PLCXD3: variants seen among roughly 807,000 people sequenced by gnomAD.
The protein encoded by PLCXD3 is phosphatidylinositol specific phospholipase C X domain containing 3.
A neutral mutation model predicts 25.5 loss-of-function variants in PLCXD3; 19 were observed. The ratio of observed to expected loss-of-function variants is 0.75; its 90% CI spans 0.52 to 1.09. The LOEUF is 1.09. PLCXD3 is among the 50% of genes least tolerant of loss of function. The pLI is 0.00. For missense variants in PLCXD3, 411 were observed against 388.1 expected, an observed-to-expected ratio of 1.06 and a Z score of -0.50; for synonymous variants, 174 against 137.6, an observed-to-expected ratio of 1.26 and a Z score of -1.85.
At chr5:41,477,171 G>A (rs914160944) in intron 1 of PLCXD3, among the ~76,000 whole-genome samples, 1 of 152,028 alleles carries the variant, frequency 6.6e-6, no homozygotes, top group African/African-American at 2.4e-5. Flanking sequence ...TTTTCTCTGG[G>A]CCTCAGTTCT....
intron 2 of PLCXD3, among the ~76,000 whole-genome samples, chr5:41,379,834 A>G (rs1240084947): frequency 1.3e-5 from 2 of 152,128 alleles, no homozygotes; most frequent in African/African-American, 4.8e-5. Context: ...ATAAAATGAT[A>G]TAATCCAGTA....
At chr5:41,390,506 C>A (rs1037205699) in intron 1 of PLCXD3, among the ~76,000 whole-genome samples, 2 of 152,084 alleles carry the variant, frequency 1.3e-5, no homozygotes, top group African/African-American at 4.8e-5. Flanking sequence ...CCACATGGTA[C>A]CAATGCTTGG....
At chr5:41,403,411 T>TTTTTTTTTTTTTG in intron 1 of PLCXD3, among the ~76,000 whole-genome samples, 1 of 38,316 alleles carries the variant, frequency 2.6e-5, no homozygotes, top group Non-Finnish European at 6.4e-5. Context: ...GTTTTTTTTT[T>TTTTTTTTTTTTTG]TTTTTATTAT....
At chr5:41,406,202 C>G (rs1240247377) in intron 1 of PLCXD3, among the ~76,000 whole-genome samples, 1 of 152,036 alleles carries the variant, frequency 6.6e-6, no homozygotes, top group African/African-American at 2.4e-5. Flanking sequence ...AAGGTTAACA[C>G]CTTCATTTCC....
intron 1 of PLCXD3, among the ~76,000 whole-genome samples, chr5:41,427,159 A>G (rs964838821): frequency 3.9e-5 from 6 of 152,160 alleles, no homozygotes; most frequent in African/African-American, 1.4e-4. Context: ...GTTTCTAATT[A>G]AATCTGGAAA....
chr5:41,308,087 A>G lies in PLCXD3; in HGVS notation c.*5530T>C, dbSNP rs968704371. 1 of 152,152 alleles carries G rather than the reference A, an allele frequency of 6.6e-6. No homozygotes were observed. The highest frequency in any genetic ancestry group is 1.5e-5 in the Non-Finnish European group (1 of 68,012). The allele number at this position is 152,152 out of a possible 1,614,324, so 9.4% of individuals were successfully genotyped here. A position where few individuals can be genotyped will look rare whatever the true frequency, so the allele number is the denominator to read the frequency against. ...CATTTGCAGGACCTAGAGCTGACCA[A>G]TGTTTTCTTTCTTGAAGGACATTAT... On this transcript the variant is annotated 3_prime_UTR_variant, in exon 3 of 3. Coordinates refer to ENST00000377801, the MANE Select transcript of PLCXD3 (RefSeq NM_001005473.3).
intron 1 of PLCXD3, among the ~76,000 whole-genome samples, chr5:41,460,381 CA>C (rs971574842): frequency 2.0e-4 from 30 of 151,948 alleles, no homozygotes; most frequent in Non-Finnish European, 1.0e-4. Flanking sequence ...GCAGTTAATA[CA>C]AATGTGTTCC....
chr5:41,500,607 A>C (rs1018899529), intron 1 of PLCXD3, among the ~76,000 whole-genome samples: 1 of 151,696 alleles, frequency 6.6e-6, no homozygotes, highest in African/African-American at 2.4e-5. Flanking sequence ...CTAAGACCTG[A>C]AACTGTAAAA....
chr5:41,382,667 T>C (rs1745507698), intron 1 of PLCXD3, 133 bp from the exon 2 acceptor site: 4 of 679,784 alleles, frequency 5.9e-6, no homozygotes, highest in African/African-American at 5.4e-5. Context: ...ATACTAGTTA[T>C]TTTTTATGCC....
chr5:41,499,308 T>G (rs1748903694), intron 1 of PLCXD3, among the ~76,000 whole-genome samples: 1 of 151,636 alleles, frequency 6.6e-6, no homozygotes, highest in African/African-American at 2.4e-5. Flanking sequence ...CATTGCAGAA[T>G]ACAAAATCAA....
chr5:41,318,737 T>C (rs1164643879), intron 2 of PLCXD3, among the ~76,000 whole-genome samples: 1 of 152,056 alleles, frequency 6.6e-6, no homozygotes, highest in Non-Finnish European at 1.5e-5. Context: ...AAGGAGTAAG[T>C]CCTTACTTAT....
intron 1 of PLCXD3, among the ~76,000 whole-genome samples, chr5:41,394,376 A>C (rs1237647012): frequency 2.0e-5 from 3 of 152,162 alleles, no homozygotes; most frequent in Admixed American, 2.0e-4. Flanking sequence ...CACCTTCACT[A>C]CAGGAAGACA....
intron 1 of PLCXD3, among the ~76,000 whole-genome samples, chr5:41,489,698 T>C (rs201111870): frequency 6.6e-6 from 1 of 152,132 alleles, no homozygotes; most frequent in Non-Finnish European, 1.5e-5. Context: ...AGCAATTGTG[T>C]GTGAATGGGA....
At chr5:41,466,241 G>T (rs1342077988) in intron 1 of PLCXD3, among the ~76,000 whole-genome samples, 1 of 151,924 alleles carries the variant, frequency 6.6e-6, no homozygotes, top group Non-Finnish European at 1.5e-5. Context: ...TTTCAAATAT[G>T]TAAGAAAATT....
At chr5:41,463,866 C>T (rs969018223) in intron 1 of PLCXD3, among the ~76,000 whole-genome samples, 4 of 141,242 alleles carry the variant, frequency 2.8e-5, no homozygotes, top group Admixed American at 1.4e-4. Context: ...TTCAGGGCTA[C>T]CTTTCCTCTT....
At chr5:41,449,374 C>T (rs1747576524) in intron 1 of PLCXD3, among the ~76,000 whole-genome samples, 1 of 152,138 alleles carries the variant, frequency 6.6e-6, no homozygotes, top group Admixed American at 6.6e-5. Context: ...AGTCAGTGGT[C>T]AAATTTCATA....
chr5:41,377,459 T>G (rs1745330756), intron 2 of PLCXD3, among the ~76,000 whole-genome samples: 1 of 152,024 alleles, frequency 6.6e-6, no homozygotes, highest in South Asian at 2.1e-4. Context: ...TTTTTTAAAT[T>G]AAGAAAAACC....
At chr5:41,480,832 C>T (rs1223091056) in intron 1 of PLCXD3, among the ~76,000 whole-genome samples, 3 of 151,944 alleles carry the variant, frequency 2.0e-5, no homozygotes, top group Non-Finnish European at 4.4e-5. Context: ...GAGGCTTGAA[C>T]CCGGGAGGTG....
At position 41,488,231 on chromosome 5, in the gene PLCXD3, A is replaced by G. The variant is rs1203283358; in HGVS notation, c.103+22193T>C. On this transcript the variant is annotated intron_variant, in intron 1 of 2. Coordinates refer to ENST00000377801, the MANE Select transcript of PLCXD3 (RefSeq NM_001005473.3). ...ACTGAGAATGATGATTTCCAATTTC[A>G]TCCATGTCCCTACAAAGGACATGAA... 2.7e-5 allele frequency among the ~76,000 whole-genome samples: 4 copies of G among 148,568 alleles called. No individual in the cohort carries two copies. The East Asian group carries it at 5.9e-4, about 22-fold the overall frequency.
Sources: gnomAD v4.1 joint callset for allele counts (sites outside exome capture counted in the v4.1 genomes callset) on GRCh38, gnomAD v4.1.1 for gene constraint, MANE v1.5 for transcripts, NCBI Gene and HGNC (gene_info 2026-07-23, HGNC 2026-07-21) for gene names.